Variants in RADIL observed in about 807,000 individuals in gnomAD.
RADIL encodes ras-associating and dilute domain-containing protein.
A neutral mutation model predicts 97.6 loss-of-function variants in RADIL; 99 were observed. The ratio of observed to expected loss-of-function variants is 1.01; its 90% CI spans 0.86 to 1.20. The LOEUF is 1.20. Ranked by LOEUF, RADIL falls within the 50% of genes most tolerant of loss-of-function variation. The pLI is 0.00. For missense variants in RADIL, 1,765 were observed against 1,498.9 expected (o/e 1.18, Z -2.93); for synonymous variants, 803 against 691.8 (o/e 1.16, Z -2.52).
At chr7:4,861,716 G>A (rs1784005972) in intron 2 of RADIL, 1 of 1,567,966 alleles carries the variant, frequency 6.4e-7, no homozygotes, top group Non-Finnish European at 8.6e-7. Context: ...CGTCTCCTTG[G>A]GGACCGCTAG....
intron 9 of RADIL, chr7:4,811,439 T>C (rs575488905): frequency 6.6e-6 from 1 of 152,156 alleles, no homozygotes; most frequent in African/African-American, 2.4e-5. Context: ...TTCCTCTTTT[T>C]CTACTTTCTG....
At chr7:4,871,018 A>T (rs1302318945) in intron 2 of RADIL, among the ~76,000 whole-genome samples, 1 of 152,202 alleles carries the variant, frequency 6.6e-6, no homozygotes, top group East Asian at 1.9e-4. Context: ...TAACCATTCA[A>T]GTTTATTTTC....
chr7:4,876,844 G>A (rs1475616863), intron 2 of RADIL, among the ~76,000 whole-genome samples: 2 of 152,314 alleles, frequency 1.3e-5, no homozygotes, highest in Admixed American at 1.3e-4. Context: ...TGAGTGCACC[G>A]TGGTCACCTC....
At chr7:4,864,488 T>C (rs1421956077) in intron 2 of RADIL, among the ~76,000 whole-genome samples, 1 of 152,266 alleles carries the variant, frequency 6.6e-6, no homozygotes, top group African/African-American at 2.4e-5. Context: ...TCCAGATCCA[T>C]ATTATCTGAC....
intron 2 of RADIL, among the ~76,000 whole-genome samples, chr7:4,846,888 T>C (rs1257518135): frequency 6.6e-6 from 1 of 152,158 alleles, no homozygotes; most frequent in African/African-American, 2.4e-5. Context: ...AATAAACATT[T>C]CTTCAAAGAA....
At chr7:4,847,556 A>T (rs919927717) in intron 2 of RADIL, among the ~76,000 whole-genome samples, 1 of 152,188 alleles carries the variant, frequency 6.6e-6, no homozygotes. Context: ...TGTTCACAGC[A>T]GCATTATCCA....
rs575841613 is a variant in RADIL, at chr7:4,800,056, C to T, written c.2982+115G>A. The T allele has an allele frequency of 1.9e-5, 26 of 1,404,348 alleles. 1 individual carries two copies. The South Asian group carries it at 3.3e-4, about 18-fold the overall frequency. 87.0% of individuals were successfully genotyped at this position (1,404,348 alleles called of 1,614,324 possible). A position where few individuals can be genotyped will look rare whatever the true frequency, so the allele number is the denominator to read the frequency against. Reference sequence around the variant, plus strand: ...AGCTGCAGAGGCCAACCCCACTCTCCTCCCCGAAGGCCTTCCTGTAGCCAC... The same window carrying T: ...AGCTGCAGAGGCCAACCCCACTCTCTTCCCCGAAGGCCTTCCTGTAGCCAC... On this transcript the variant is annotated intron_variant, in intron 13 of 14. Transcript: ENST00000399583.
chr7:4,801,739 C>T lies in RADIL; in HGVS notation c.2756G>A (p.Trp919Ter). ...PLGPEPGDPD[W>*]PESGGPCGKA... ...TCCACAGGGGCCGCCGGACTCTGGC[C>T]AGTCGGGGTCCCCAGGCTCAGGGCC... The change falls in exon 12 of 15, where the codon TGG becomes TAG. Residue 919 changes from tryptophan to a stop codon, truncating the protein, a stop_gained. Coordinates refer to ENST00000399583, the MANE Select transcript of RADIL (RefSeq NM_018059.5). LOFTEE classifies it high-confidence loss of function. 1 of 1,610,684 alleles carries T rather than the reference C, an allele frequency of 6.2e-7. No individual in the cohort carries two copies. Among genetic ancestry groups the T allele is most frequent in the Non-Finnish European group, 8.5e-7 (1 of 1,179,182 alleles).
At chr7:4,868,717 A>G (rs1450744612) in intron 2 of RADIL, among the ~76,000 whole-genome samples, 1 of 152,232 alleles carries the variant, frequency 6.6e-6, no homozygotes, top group South Asian at 2.1e-4. Flanking sequence ...TTCTTCTAGT[A>G]TATCACCTAT....
chr7:4,827,914 AC>A lies in RADIL; in HGVS notation c.1454+4226del, dbSNP rs200030352. Among the ~76,000 whole-genome samples the A allele has an allele frequency of 2.9e-3, 439 of 151,244 alleles. 7 individuals carry two copies. The East Asian group carries it at 0.06, about 21-fold the overall frequency. On this transcript the variant is annotated intron_variant, in intron 5 of 14. Coordinates refer to ENST00000399583, the MANE Select transcript of RADIL (RefSeq NM_018059.5). Reference sequence around the variant, plus strand: ...CAGTGCAAAACAAACAAACAAACAAACAAAAAAAAACGTAGACCAGTTTTAC... The same window carrying A: ...CAGTGCAAAACAAACAAACAAACAAAAAAAAAAAACGTAGACCAGTTTTAC...
chr7:4,880,045 G>A lies in RADIL; in HGVS notation c.-64-1842C>T, dbSNP rs1317351761. 6.6e-6 allele frequency among the ~76,000 whole-genome samples: 1 copy of A among 152,166 alleles called. No homozygotes were observed. The highest frequency in any genetic ancestry group is 6.5e-5 in the Admixed American group (1 of 15,270). ...CGTCTGCCCTGCGGGGTGGGTGGCT[G>A]GCCCTTCTCCTGTTCCTATAGCCCA... is the stretch of plus-strand genomic sequence containing the variant. On this transcript the variant is annotated intron_variant, in intron 1 of 14. Coordinates refer to ENST00000399583, the MANE Select transcript of RADIL (RefSeq NM_018059.5). The surrounding 1 kb of genome is among the most constrained non-coding windows in gnomAD (Gnocchi z 4.5).
At chr7:4,807,988 T>TCCCTCC (rs1562429668) in intron 9 of RADIL, among the ~76,000 whole-genome samples, 1 of 44,156 alleles carries the variant, frequency 2.3e-5, no homozygotes, top group African/African-American at 1.5e-4. Flanking sequence ...CCTCTCTCCC[T>TCCCTCC]GTCTCTCTCC....
At chr7:4,820,493 G>T (rs1406297251) in intron 6 of RADIL, among the ~76,000 whole-genome samples, 1 of 152,224 alleles carries the variant, frequency 6.6e-6, no homozygotes, top group Non-Finnish European at 1.5e-5. Flanking sequence ...AAGGGCACAG[G>T]CCAGATGCCC....
intron 2 of RADIL, among the ~76,000 whole-genome samples, chr7:4,853,432 C>T (rs1265218553): frequency 6.6e-6 from 1 of 152,052 alleles, no homozygotes; most frequent in African/African-American, 2.4e-5. Context: ...ATTCCATGTG[C>T]CACTGCTGAC....
At chr7:4,845,311 A>G (rs1783541387) in intron 2 of RADIL, among the ~76,000 whole-genome samples, 1 of 152,150 alleles carries the variant, frequency 6.6e-6, no homozygotes, top group Non-Finnish European at 1.5e-5. Flanking sequence ...CCAGCTACTC[A>G]GGAGGTGGAA....
At chr7:4,869,717 A>G (rs563920951) in intron 2 of RADIL, among the ~76,000 whole-genome samples, 2 of 152,230 alleles carry the variant, frequency 1.3e-5, no homozygotes, top group African/African-American at 4.8e-5. Context: ...CTAAAACCAC[A>G]TAGTTTCAAT....
chr7:4,847,739 C>CAAAAAAAAAAAAAAAAAAAAAAAAAA lies in RADIL; in HGVS notation c.536-11160_536-11135dup, dbSNP rs56177809. 6.7e-4 allele frequency among the ~76,000 whole-genome samples: 16 copies of CAAAAAAAAAAAAAAAAAAAAAAAAAA among 23,808 alleles called. 4 individuals carry two copies. The highest frequency in any genetic ancestry group is 8.8e-4 in the Non-Finnish European group (12 of 13,608). The allele number at this position is 23,808 out of a possible 152,430, so 15.6% of individuals were successfully genotyped here. A position where few individuals can be genotyped will look rare whatever the true frequency, so the allele number is the denominator to read the frequency against. The stretch of plus-strand genomic sequence containing the variant: ...TATGCTACGTGAAAAAAGCTAGATG[C>CAAAAAAAAAAAAAAAAAAAAAAAAAA]AAAAAAAAAAAAAAAAAAAAAAAAA... On this transcript the variant is annotated intron_variant, in intron 2 of 14. Transcript: ENST00000399583.
rs1302646660 is a variant in RADIL, at chr7:4,822,877, G to C, written c.1455-323C>G. Among the ~76,000 whole-genome samples the C allele has an allele frequency of 6.6e-6, 1 of 152,094 alleles. No homozygotes were observed. Among genetic ancestry groups the C allele is most frequent in the African/African-American group, 2.4e-5 (1 of 41,436 alleles). ...ATCATAAAGTGGCTGTGAATGCTGA[G>C]AGAATGTGTGCCAATATGTGTGTGT... On this transcript the variant is annotated intron_variant, in intron 5 of 14. Transcript: ENST00000399583. This position sits in a 1 kb window ranked among gnomAD's most constrained non-coding sequence, Gnocchi z 5.3.
At chr7:4,858,609 C>A (rs1374645382) in intron 2 of RADIL, 1 of 152,484 alleles carries the variant, frequency 6.6e-6, no homozygotes, top group Non-Finnish European at 1.5e-5. Flanking sequence ...CTTATGTGTG[C>A]AATTGGAAAT....
Sources: gnomAD v4.1 joint callset for allele counts (sites outside exome capture counted in the v4.1 genomes callset) on GRCh38, gnomAD v4.1.1 for gene constraint, Gnocchi (gnomAD v3.1) non-coding constraint, MANE v1.5 for transcripts, NCBI Gene and HGNC (gene_info 2026-07-23, HGNC 2026-07-21) for gene names.